The following SETDB1 variants were observed in gnomAD, a reference collection of about 807,000 sequenced individuals.
SETDB1 encodes SET domain bifurcated histone lysine methyltransferase 1, also known as histone-lysine N-methyltransferase SETDB1.
A neutral mutation model predicts 137.4 loss-of-function variants in SETDB1; 31 were observed. That is an observed-to-expected ratio of 0.23 (90% CI 0.17 to 0.30). The LOEUF (loss-of-function observed/expected upper bound fraction) is 0.30. Among genes scored for constraint, SETDB1 ranks in the 10% least tolerant of loss-of-function variants. The pLI is 1.00. For missense variants in SETDB1, 1,113 were observed against 1,631.5 expected (o/e 0.68, Z 5.47); for synonymous variants, 548 against 579.9 (o/e 0.95, Z 0.79).
Position 150,959,356 on chromosome 1 carries a change from T to C in SETDB1, c.2503+9T>C. ...TGTTTGTATTTATGCAGGTTGGTGA[T>C]AAAATATAAGGGTTGTTTCCTGAGA... On this transcript the variant is annotated intron_variant, in intron 15 of 21. Transcript: ENST00000692827. 2 of 1,599,128 alleles carry C rather than the reference T, an allele frequency of 1.3e-6. No individual in the cohort carries two copies. Among genetic ancestry groups the C allele is most frequent in the South Asian group, 1.1e-5 (1 of 88,030 alleles).
At chr1:150,959,551 T>A (rs934181592) in intron 15 of SETDB1, among the ~76,000 whole-genome samples, 2 of 152,048 alleles carry the variant, frequency 1.3e-5, no homozygotes, top group African/African-American at 4.8e-5. Flanking sequence ...AATAAGAGAA[T>A]GAAAAGGGAT....
At chr1:150,962,413 C>T (rs1475728871) in intron 17 of SETDB1, among the ~76,000 whole-genome samples, 174 bp from the exon 18 acceptor site, 1 of 152,098 alleles carries the variant, frequency 6.6e-6, no homozygotes, top group Admixed American at 6.6e-5. Flanking sequence ...AAGCGATGCT[C>T]CCAAAGGGGA....
At chr1:150,945,255 T>C in intron 9 of SETDB1, 147 bp downstream of exon 9, 1 of 1,466,082 alleles carries the variant, frequency 6.8e-7, no homozygotes, top group Non-Finnish European at 9.0e-7. Context: ...CAAATTTTAC[T>C]TTGCCCTTTT....
At chr1:150,958,482 C>T (rs1343014287) in intron 14 of SETDB1, among the ~76,000 whole-genome samples, 3 of 151,842 alleles carry the variant, frequency 2.0e-5, no homozygotes, top group African/African-American at 7.3e-5. Flanking sequence ...ACTCTCCTGA[C>T]CTCGTGATCC....
intron 14 of SETDB1, among the ~76,000 whole-genome samples, chr1:150,956,795 C>T (rs745734109): frequency 1.3e-5 from 2 of 151,330 alleles, no homozygotes; most frequent in Admixed American, 6.6e-5. Context: ...CTGGGATTAC[C>T]GACATGGGAA....
chr1:150,957,139 C>T (rs982831861), intron 14 of SETDB1, among the ~76,000 whole-genome samples: 2 of 150,960 alleles, frequency 1.3e-5, no homozygotes, highest in African/African-American at 4.9e-5. Flanking sequence ...AATGGGAGGT[C>T]GAAGCAGGTG....
rs1324521201 is a variant in SETDB1, at chr1:150,931,426, A to G, written c.412+1308A>G. On this transcript the variant is annotated intron_variant, in intron 3 of 21. Transcript: ENST00000692827. The stretch of plus-strand genomic sequence containing the variant: ...CGGTGAAACCCCATCTCTACTAAAA[A>G]TACAAAAAATTAGCTGGGCGTGGCG... Among the ~76,000 whole-genome samples the G allele has an allele frequency of 5.9e-5, 9 of 151,288 alleles. No homozygotes were observed. The South Asian group carries it at 1.0e-3, about 17-fold the overall frequency.
Position 150,950,986 on chromosome 1 carries a change from C to T in SETDB1, c.2112C>T (p.Pro704=). 6.2e-7 allele frequency: 1 copy of T among 1,614,040 alleles called. No individual in the cohort carries two copies. Among genetic ancestry groups the T allele is most frequent in the Non-Finnish European group, 8.5e-7 (1 of 1,179,946 alleles). ...ATGAGATTGACACAACCCCTCCACC[C>T]CAGGTGGCCTACAGCAAGGAACGTA... is the stretch of plus-strand genomic sequence containing the variant. ...CVNEIDTTPP[P]QVAYSKERIP... Residue 704 remains proline (P), a synonymous_variant, in exon 13 of 22, where the codon CCC becomes CCT. Transcript: ENST00000692827.
intron 9 of SETDB1, 105 bp from the exon 10 acceptor site, chr1:150,946,779 CAG>C: frequency 7.5e-7 from 1 of 1,330,796 alleles, no homozygotes; most frequent in Non-Finnish European, 1.1e-6. Context: ...TAAGGCTCAT[CAG>C]GGAGGATTCC....
intron 17 of SETDB1, 36 bp from the exon 18 acceptor site, chr1:150,962,551 G>A: frequency 6.2e-7 from 1 of 1,610,794 alleles, no homozygotes; most frequent in Non-Finnish European, 8.5e-7. Flanking sequence ...GAAACAGCCA[G>A]TAACCTGTTG....
chr1:150,936,055 C>T lies in SETDB1; in HGVS notation c.413-3885C>T, dbSNP rs587706825. ...AGGCTGGAGTGCAATGGCGCAATCT[C>T]GGCTCACTGCAAGCTCCACTTCCCG... On this transcript the variant is annotated intron_variant, in intron 3 of 21. Coordinates refer to ENST00000692827, the MANE Select transcript of SETDB1 (RefSeq NM_001366418.1). 2.2e-3 allele frequency among the ~76,000 whole-genome samples: 340 copies of T among 152,288 alleles called. 1 individual carries two copies. The highest frequency in any genetic ancestry group is 3.9e-3 in the Admixed American group (59 of 15,290).
chr1:150,945,647 G>T (rs1365809674), intron 9 of SETDB1, among the ~76,000 whole-genome samples: 1 of 152,190 alleles, frequency 6.6e-6, no homozygotes, highest in Non-Finnish European at 1.5e-5. Context: ...GAAGAAATTA[G>T]AAGTTATATT....
chr1:150,948,032 G>A (rs894992030), intron 10 of SETDB1, among the ~76,000 whole-genome samples: 2 of 151,628 alleles, frequency 1.3e-5, no homozygotes, highest in Non-Finnish European at 2.9e-5. Context: ...AGGAGTTGGA[G>A]ATCAGTCTGG....
chr1:150,949,537 T>G lies in SETDB1; in HGVS notation c.1583+12T>G. On this transcript the variant is annotated intron_variant, in intron 12 of 21. Coordinates refer to ENST00000692827, the MANE Select transcript of SETDB1 (RefSeq NM_001366418.1). ...AACCAGACATATAGGTGAGAAAATC[T>G]GAGGCTCTCTGTAGGCAGGATAGCA... 6.2e-7 allele frequency: 1 copy of G among 1,613,328 alleles called. No homozygotes were observed. Among genetic ancestry groups the G allele is most frequent in the Non-Finnish European group, 8.5e-7 (1 of 1,179,492 alleles).
At chr1:150,961,821 A>T (rs980454765) in intron 16 of SETDB1, 1 of 373,376 alleles carries the variant, frequency 2.7e-6, no homozygotes, top group Non-Finnish European at 4.9e-6. Flanking sequence ...ACAAGAATTG[A>T]TTTTAAGTAT....
chr1:150,958,389 C>T (rs1255890640), intron 14 of SETDB1, among the ~76,000 whole-genome samples: 3 of 151,358 alleles, frequency 2.0e-5, no homozygotes, highest in Admixed American at 1.3e-4. Flanking sequence ...GTAGCTGGGA[C>T]TACAGATGCA....
Position 150,956,841 on chromosome 1 carries a change from A to G in SETDB1, c.2334-2337A>G, listed in dbSNP as rs587652177. ...TTAAAGTTAGAAAAAAAAGCTAGAC[A>G]TGGTGGCTCACACCTGTAATCCCAG... On this transcript the variant is annotated intron_variant, in intron 14 of 21. Transcript: ENST00000692827. 5.1e-4 allele frequency among the ~76,000 whole-genome samples: 77 copies of G among 151,796 alleles called. 2 individuals carry two copies. The South Asian group carries it at 0.015, about 29-fold the overall frequency.
Position 150,944,985 on chromosome 1 carries a change from C to T in SETDB1, c.1017C>T (p.Ala339=), listed in dbSNP as rs1346419889. 1.2e-6 allele frequency: 2 copies of T among 1,614,088 alleles called. No individual in the cohort carries two copies. The highest frequency in any genetic ancestry group is 8.5e-7 in the Non-Finnish European group (1 of 1,179,996). Residue 339 remains alanine, a synonymous_variant, in exon 9 of 22, where the codon GCC becomes GCT. Coordinates refer to ENST00000692827, the MANE Select transcript of SETDB1 (RefSeq NM_001366418.1). ...CRDFIEEYVT[A]YPNRPMVLLK... is the part of the protein sequence containing the mutation. ...ACTTCATAGAGGAGTATGTCACTGC[C>T]TACCCCAACCGCCCCATGGTACTGC...
At chr1:150,942,267 C>T (rs1212479410) in intron 5 of SETDB1, among the ~76,000 whole-genome samples, 9 of 151,678 alleles carry the variant, frequency 5.9e-5, no homozygotes, top group East Asian at 1.9e-4. Context: ...GGTGAAACCC[C>T]GTCTCTACTA....
Sources: allele counts gnomAD v4.1 joint callset (sites outside exome capture counted in the v4.1 genomes callset), GRCh38; gene constraint gnomAD v4.1.1; transcripts MANE v1.5; gene names NCBI Gene and HGNC (gene_info 2026-07-23, HGNC 2026-07-21).